The following ITGB3BP variants were observed in gnomAD, a reference collection of about 807,000 sequenced individuals.
ITGB3BP encodes the protein integrin subunit beta 3 binding protein, also known as centromere protein R.
Under a neutral mutation model 29.1 loss-of-function variants are expected in ITGB3BP, and 27 were observed. That is an observed-to-expected ratio of 0.93 (90% CI 0.68 to 1.28). ITGB3BP has a LOEUF of 1.28. ITGB3BP is among the 50% of genes most tolerant of loss of function. The pLI, the probability that ITGB3BP is intolerant of heterozygous loss-of-function variation, is 0.00. For missense variants in ITGB3BP, 192 were observed against 200.2 expected (o/e 0.96, Z 0.25); for synonymous variants, 61 against 61.4 (o/e 0.99, Z 0.03).
chr1:63,443,545 G>C (rs1053774711), intron 8 of ITGB3BP, among the ~76,000 whole-genome samples: 10 of 152,142 alleles, frequency 6.6e-5, no homozygotes, highest in African/African-American at 2.4e-4. Flanking sequence ...ACTCCTGAAT[G>C]TCAGTTTAAA....
intron 1 of ITGB3BP, among the ~76,000 whole-genome samples, chr1:63,513,870 C>T (rs1646254381): frequency 6.6e-6 from 1 of 152,100 alleles, no homozygotes; most frequent in Admixed American, 6.5e-5. Flanking sequence ...TACTCAAGTT[C>T]AGTATTTGCC....
In ITGB3BP at chr1:63,455,429, T is replaced by C. The variant is rs1644919306; in HGVS notation, c.255-461A>G. The stretch of plus-strand genomic sequence containing the variant: ...AGTTTAAAAAAAAAAATTGTGTAAC[T>C]TTGTTATCATACTTTTTTTTTCCTT... On this transcript the variant is annotated intron_variant, in intron 4 of 8. Transcript: ENST00000271002. Among the ~76,000 whole-genome samples, 3 of 152,148 alleles carry C rather than the reference T, an allele frequency of 2.0e-5. No homozygotes were observed. In the South Asian group the frequency reaches 6.2e-4, roughly 32 times the overall value.
chr1:63,510,041 T>C (rs1463748948), intron 1 of ITGB3BP: 3 of 561,890 alleles, frequency 5.3e-6, no homozygotes, highest in East Asian at 3.2e-5. Flanking sequence ...ATACAAAATA[T>C]TAGCCTAGCG....
chr1:63,459,234 C>T (rs903399356), intron 4 of ITGB3BP, among the ~76,000 whole-genome samples: 1 of 152,162 alleles, frequency 6.6e-6, no homozygotes, highest in African/African-American at 2.4e-5. Flanking sequence ...TCTCCACTTC[C>T]TCCATATTAA....
In ITGB3BP at chr1:63,467,033, C is replaced by T. The variant is rs71643678; in HGVS notation, c.254+11731G>A. Among the ~76,000 whole-genome samples the T allele has an allele frequency of 2.6e-5, 4 of 152,174 alleles. No individual in the cohort carries two copies. The East Asian group carries it at 5.8e-4, about 22-fold the overall frequency. ...ATGTAGCTGGGTCCACAGGTGCACACTACCATGCTCGGCTCATTTTTTTAG... is the reference window on the plus strand; with the variant it reads ...ATGTAGCTGGGTCCACAGGTGCACATTACCATGCTCGGCTCATTTTTTTAG... On this transcript the variant is annotated intron_variant, in intron 4 of 8. Transcript: ENST00000271002.
intron 2 of ITGB3BP, among the ~76,000 whole-genome samples, chr1:63,502,443 G>T (rs188970299): frequency 3.4e-4 from 52 of 151,514 alleles, no homozygotes; most frequent in Non-Finnish European, 4.9e-4. Context: ...GGAAAAAGAG[G>T]TTTAATTGCA....
At chr1:63,497,237 C>T (rs899822051) in intron 2 of ITGB3BP, among the ~76,000 whole-genome samples, 6 of 151,938 alleles carry the variant, frequency 3.9e-5, no homozygotes, top group Admixed American at 1.3e-4. Context: ...TCGAGGAGTT[C>T]GAGGCTGCAG....
At chr1:63,509,661 A>G (rs1408977300) in intron 1 of ITGB3BP, among the ~76,000 whole-genome samples, 1 of 152,198 alleles carries the variant, frequency 6.6e-6, no homozygotes, top group Admixed American at 6.5e-5. Context: ...TTTTGCTACT[A>G]TATCCACATT....
At chr1:63,519,887 T>C (rs1232071355) in intron 1 of ITGB3BP, among the ~76,000 whole-genome samples, 1 of 152,112 alleles carries the variant, frequency 6.6e-6, no homozygotes, top group Non-Finnish European at 1.5e-5. Context: ...AGACTATAAA[T>C]ACAGCAGCAG....
chr1:63,514,376 C>T (rs538480346), intron 1 of ITGB3BP, among the ~76,000 whole-genome samples: 3 of 151,924 alleles, frequency 2.0e-5, no homozygotes, highest in Non-Finnish European at 4.4e-5. Flanking sequence ...ATTCAGTTTT[C>T]TTGGATAAAT....
intron 2 of ITGB3BP, among the ~76,000 whole-genome samples, chr1:63,504,729 G>A (rs1646030226): frequency 6.6e-6 from 1 of 152,140 alleles, no homozygotes; most frequent in African/African-American, 2.4e-5. Context: ...GAAGGTTGTT[G>A]AATTTTGTCA....
chr1:63,504,717 A>T (rs1291885392), intron 2 of ITGB3BP, among the ~76,000 whole-genome samples: 1 of 152,206 alleles, frequency 6.6e-6, no homozygotes, highest in African/African-American at 2.4e-5. Flanking sequence ...AGTTTTTAGC[A>T]TGAAGGTTGT....
chr1:63,497,470 T>C (rs937774674), intron 2 of ITGB3BP, among the ~76,000 whole-genome samples: 28 of 152,164 alleles, frequency 1.8e-4, no homozygotes, highest in Non-Finnish European at 3.8e-4. Flanking sequence ...GGGAGTTTCA[T>C]TTACCTGCCG....
At chr1:63,523,496 G>A, upstream of ITGB3BP, 1 of 333,420 alleles carries the variant, frequency 3.0e-6, no homozygotes, top group Non-Finnish European at 5.7e-6. Context: ...GAAGGGCTCT[G>A]CATCTTATTT....
At chr1:63,502,813 T>A (rs1443482011) in intron 2 of ITGB3BP, among the ~76,000 whole-genome samples, 1 of 152,132 alleles carries the variant, frequency 6.6e-6, no homozygotes, top group Non-Finnish European at 1.5e-5. Context: ...GGTTTCCAGC[T>A]TCATCCATGT....
At chr1:63,522,094 T>G (rs1646463170) in intron 1 of ITGB3BP, among the ~76,000 whole-genome samples, 1 of 152,228 alleles carries the variant, frequency 6.6e-6, no homozygotes, top group Non-Finnish European at 1.5e-5. Flanking sequence ...TTGGCAGCTG[T>G]GTTGAACACC....
At chr1:63,463,933 T>C (rs143776316) in intron 4 of ITGB3BP, among the ~76,000 whole-genome samples, 179 of 152,288 alleles carry the variant, frequency 1.2e-3, no homozygotes, top group African/African-American at 4.1e-3. Flanking sequence ...AGAGTACATA[T>C]GGTGTGCCAC....
intron 1 of ITGB3BP, among the ~76,000 whole-genome samples, chr1:63,517,682 A>C: frequency 6.6e-6 from 1 of 152,242 alleles, no homozygotes; most frequent in South Asian, 2.1e-4. Context: ...TTCTTCATAC[A>C]TGATGTCATT....
At chr1:63,448,855 TGC>T (rs1168743726) in intron 7 of ITGB3BP, among the ~76,000 whole-genome samples, 2 of 152,140 alleles carry the variant, frequency 1.3e-5, no homozygotes, top group Non-Finnish European at 2.9e-5. Flanking sequence ...ATTTTTATAT[TGC>T]TGACATCCCT....
Sources: allele counts gnomAD v4.1 joint callset (sites outside exome capture counted in the v4.1 genomes callset), GRCh38; gene constraint gnomAD v4.1.1; transcripts MANE v1.5; gene names NCBI Gene and HGNC (gene_info 2026-07-23, HGNC 2026-07-21).